The following RPAP2 variants were observed in gnomAD, a reference collection of about 807,000 sequenced individuals.
The protein encoded by RPAP2 is putative RNA polymerase II subunit B1 CTD phosphatase RPAP2.
In RPAP2, 52 loss-of-function variants were observed where a neutral mutation model predicts 73.1. That is an observed-to-expected ratio of 0.71 (90% CI 0.57 to 0.90). The LOEUF is 0.90. Ranked by LOEUF, RPAP2 falls within the 40% of genes least tolerant of loss-of-function variation. RPAP2 has a pLI of 0.00. For synonymous variants in RPAP2, 225 were observed against 242.1 expected (o/e 0.93, Z 0.65); for missense variants, 598 against 701.8 (o/e 0.85, Z 1.67).
intron 6 of RPAP2, among the ~76,000 whole-genome samples, chr1:92,313,252 C>T (rs1418660266): frequency 1.3e-5 from 2 of 152,168 alleles, no homozygotes; most frequent in Non-Finnish European, 2.9e-5. Context: ...AGAGGAATCA[C>T]TCTATGGCAA....
intron 11 of RPAP2, among the ~76,000 whole-genome samples, chr1:92,347,447 G>A (rs763231785): frequency 3.3e-5 from 5 of 152,062 alleles, no homozygotes; most frequent in African/African-American, 9.7e-5. Context: ...TTTTTTGGTC[G>A]ACAAGTCAGA....
chr1:92,339,738 G>A (rs996630231), intron 10 of RPAP2, among the ~76,000 whole-genome samples: 2 of 151,856 alleles, frequency 1.3e-5, no homozygotes, highest in African/African-American at 2.4e-5. Context: ...AAATACAGCC[G>A]GGCACAGTGG....
Position 92,395,149 on chromosome 1 carries a change from TAAACTC to T in RPAP2, c.*8142_*8147del, listed in dbSNP as rs1257912193. 1.3e-5 allele frequency: 2 copies of T among 152,058 alleles called. No homozygotes were observed. The highest frequency in any genetic ancestry group is 2.9e-5 in the Non-Finnish European group (2 of 68,010). 9.4% of individuals were successfully genotyped at this position (152,058 alleles called of 1,614,324 possible). The stretch of plus-strand genomic sequence containing the variant: ...TCTTACCTCCTACCATATGCAAAAA[TAAACTC>T]AAAATTGATCACACACCTACATGTA... On this transcript the variant is annotated 3_prime_UTR_variant, in exon 13 of 13. Coordinates refer to ENST00000610020, the MANE Select transcript of RPAP2 (RefSeq NM_024813.3).
chr1:92,343,873 T>C (rs180929904), intron 10 of RPAP2, among the ~76,000 whole-genome samples: 2 of 152,286 alleles, frequency 1.3e-5, no homozygotes, highest in Admixed American at 6.5e-5. Flanking sequence ...ATAGGCCTTA[T>C]TGCAAAGATG....
rs550782132 is a variant in RPAP2, at chr1:92,347,887, G to T, written c.1688+1973G>T. Among the ~76,000 whole-genome samples the T allele has an allele frequency of 2.6e-4, 40 of 152,106 alleles. No individual in the cohort carries two copies. The South Asian group carries it at 7.9e-3, about 30-fold the overall frequency. On this transcript the variant is annotated intron_variant, in intron 11 of 12. Transcript: ENST00000610020. ...TGCACACATTTTACTGTAGTGTATCGCATGTTTCATATTGGGCAATCAATC... is the reference window on the plus strand; with the variant it reads ...TGCACACATTTTACTGTAGTGTATCTCATGTTTCATATTGGGCAATCAATC...
At position 92,309,541 on chromosome 1, in the gene RPAP2, ATACAC is replaced by A. The variant is rs1651455727; in HGVS notation, c.488+2266_488+2270del. ...GCTTAGTACCTGGCAGGCTACACAC[ATACAC>A]ATACACATACACATACACATACACA... On this transcript the variant is annotated intron_variant, in intron 6 of 12. Transcript: ENST00000610020. 7.2e-4 allele frequency among the ~76,000 whole-genome samples: 3 copies of A among 4,138 alleles called. No individual in the cohort carries two copies. In the Admixed American group the frequency reaches 8.7e-3, roughly 12 times the overall value. The allele number at this position is 4,138 out of a possible 152,430, so 2.7% of individuals were successfully genotyped here.
intron 6 of RPAP2, among the ~76,000 whole-genome samples, chr1:92,316,181 C>G (rs553480939): frequency 6.6e-6 from 1 of 152,242 alleles, no homozygotes; most frequent in African/African-American, 2.4e-5. Context: ...TTAATGCTGA[C>G]AGAGCTAAAA....
At position 92,320,590 on chromosome 1, in the gene RPAP2, T is replaced by C. The variant is rs754623849; in HGVS notation, c.489-9T>C. On this transcript the variant is annotated splice_polypyrimidine_tract_variant and intron_variant, in intron 6 of 12. Coordinates refer to ENST00000610020, the MANE Select transcript of RPAP2 (RefSeq NM_024813.3). ...CGGCCTAATTTTTATTTCTGTGTTC[T>C]TATTACAGGCATCCTGATTTTCAAC... 1 of 1,610,500 alleles carries C rather than the reference T, an allele frequency of 6.2e-7. No individual in the cohort carries two copies. Among genetic ancestry groups the C allele is most frequent in the Non-Finnish European group, 8.5e-7 (1 of 1,177,196 alleles).
In RPAP2 at chr1:92,341,771, A is replaced by G. The variant is rs555859138; in HGVS notation, c.1620-4075A>G. On this transcript the variant is annotated intron_variant, in intron 10 of 12. Transcript: ENST00000610020. Reference sequence around the variant, plus strand: ...ACAGTTCTTCTGCCTCAGGCTCCCAAGTAGCTGGGATTACAGGCATGCGCC... The same window carrying G: ...ACAGTTCTTCTGCCTCAGGCTCCCAGGTAGCTGGGATTACAGGCATGCGCC... Among the ~76,000 whole-genome samples the G allele has an allele frequency of 1.2e-4, 19 of 152,242 alleles. No individual in the cohort carries two copies. The East Asian group carries it at 1.7e-3, about 14-fold the overall frequency.
Position 92,333,459 on chromosome 1 carries a change from A to C in RPAP2, c.1524A>C (p.Glu508Asp). 6.2e-7 allele frequency: 1 copy of C among 1,611,660 alleles called. No individual in the cohort carries two copies. Among genetic ancestry groups the C allele is most frequent in the Non-Finnish European group, 8.5e-7 (1 of 1,177,912 alleles). ...AGATTAGAAAACGCATCGTACTTGA[A>C]AAGTTGAGTAAAGTGTAAGTATGTA... ...QNQIRKRIVL[E>D]KLSKVLPGLL... Residue 508 changes from glutamate (E) to aspartate (D), a missense_variant, in exon 9 of 13, where the codon GAA (glutamate) becomes GAC (aspartate). Transcript: ENST00000610020.
intron 11 of RPAP2, among the ~76,000 whole-genome samples, chr1:92,353,192 T>C (rs1297028930): frequency 1.3e-5 from 2 of 152,214 alleles, no homozygotes; most frequent in Admixed American, 1.3e-4. Context: ...TGTTTTATGT[T>C]CTCTTAGGTA....
chr1:92,369,614 T>C (rs948391800), intron 11 of RPAP2, among the ~76,000 whole-genome samples: 1 of 152,160 alleles, frequency 6.6e-6, no homozygotes, highest in Non-Finnish European at 1.5e-5. Context: ...CTGGATTTAT[T>C]TGATATTCAC....
intron 11 of RPAP2, among the ~76,000 whole-genome samples, chr1:92,373,745 A>AAAAT (rs1345871324): frequency 1.8e-4 from 23 of 128,292 alleles, no homozygotes; most frequent in Non-Finnish European, 3.0e-4. Flanking sequence ...AAAATAAAAA[A>AAAAT]AAAAAAAAAA....
rs116727012 is a variant in RPAP2, at chr1:92,363,661, A to T, written c.1689-17063A>T. 1.6e-3 allele frequency: 452 copies of T among 281,308 alleles called. 1 individual carries two copies. The highest frequency in any genetic ancestry group is 9.7e-3 in the African/African-American group (435 of 44,850). 17.4% of individuals were successfully genotyped at this position (281,308 alleles called of 1,614,324 possible). On this transcript the variant is annotated intron_variant, in intron 11 of 12. Transcript: ENST00000610020. ...GCGGATATTTTTCCACCTCTGCCACACTTAAGATAGCAAGACCAACCCCAC... is the reference window on the plus strand; with the variant it reads ...GCGGATATTTTTCCACCTCTGCCACTCTTAAGATAGCAAGACCAACCCCAC...
intron 11 of RPAP2, among the ~76,000 whole-genome samples, chr1:92,357,348 T>G (rs1457680880): frequency 6.6e-6 from 1 of 152,100 alleles, no homozygotes; most frequent in African/African-American, 2.4e-5. Context: ...GTAAAAGATT[T>G]CAATTGGGAG....
intron 6 of RPAP2, among the ~76,000 whole-genome samples, chr1:92,320,234 T>C (rs1472727458): frequency 2.0e-5 from 3 of 152,036 alleles, no homozygotes; most frequent in Non-Finnish European, 4.4e-5. Context: ...CTAATCCAGA[T>C]TTCTTGTTGA....
At chr1:92,313,735 G>A (rs6663278) in intron 6 of RPAP2, among the ~76,000 whole-genome samples, 72,458 of 151,958 alleles carry the variant, frequency 0.48, 18,271 homozygotes, top group East Asian at 0.96. Context: ...TCCCTAGATG[G>A]CATCTTCCTC....
In RPAP2 at chr1:92,391,798, T is replaced by C. The variant is rs1290439304; in HGVS notation, c.*4787T>C. On this transcript the variant is annotated 3_prime_UTR_variant, in exon 13 of 13. Coordinates refer to ENST00000610020, the MANE Select transcript of RPAP2 (RefSeq NM_024813.3). Reference sequence around the variant, plus strand: ...GAAAATCTAGAAGAAATGGATAAATTCCTCGACACATACACCCTCCCAAGA... The same window carrying C: ...GAAAATCTAGAAGAAATGGATAAATCCCTCGACACATACACCCTCCCAAGA... 1 of 152,080 alleles carries C rather than the reference T, an allele frequency of 6.6e-6. No individual in the cohort carries two copies. The highest frequency in any genetic ancestry group is 1.5e-5 in the Non-Finnish European group (1 of 68,010). 9.4% of individuals were successfully genotyped at this position (152,080 alleles called of 1,614,324 possible).
chr1:92,351,305 CAAAAAAAAAAAAA>C (rs60111119), intron 11 of RPAP2, among the ~76,000 whole-genome samples: 2 of 86,840 alleles, frequency 2.3e-5, no homozygotes, highest in Non-Finnish European at 4.4e-5. Context: ...GACTCTGTCT[CAAAAAAAAAAAAA>C]AAAAAAAAAA....
Sources: allele counts gnomAD v4.1 joint callset (sites outside exome capture counted in the v4.1 genomes callset), GRCh38; gene constraint gnomAD v4.1.1; transcripts MANE v1.5; gene names NCBI Gene and HGNC (gene_info 2026-07-23, HGNC 2026-07-21).